Variants in PDE6C observed in about 807,000 individuals in gnomAD.
PDE6C encodes cone cGMP-specific 3',5'-cyclic phosphodiesterase subunit alpha'.
A neutral mutation model predicts 113.1 loss-of-function variants in PDE6C; 75 were observed. The ratio of observed to expected loss-of-function variants is 0.66; its 90% CI spans 0.55 to 0.80. PDE6C has a LOEUF of 0.80. Among genes scored for constraint, PDE6C ranks in the 30% least tolerant of loss-of-function variants. PDE6C has a pLI of 0.00. For synonymous variants in PDE6C, 375 were observed against 363.7 expected, an observed-to-expected ratio of 1.03 and a Z score of -0.35; for missense variants, 912 against 1,038.6, an observed-to-expected ratio of 0.88 and a Z score of 1.67.
chr10:93,650,734 G>A (rs542826589), intron 15 of PDE6C, among the ~76,000 whole-genome samples: 2 of 152,236 alleles, frequency 1.3e-5, no homozygotes, highest in East Asian at 3.9e-4. Context: ...AATAACAAAT[G>A]ACTATGAAAA....
chr10:93,665,627 T>A lies in PDE6C; in HGVS notation c.*209T>A. ...GCAAAATATGACAAAAATAGGTACA[T>A]TTTTGGTGCCAATTTATTTTAAATT... On this transcript the variant is annotated 3_prime_UTR_variant, in exon 22 of 22. Transcript: ENST00000371447. The A allele has an allele frequency of 1.8e-6, 1 of 560,520 alleles. No individual in the cohort carries two copies. Among genetic ancestry groups the A allele is most frequent in the Non-Finnish European group, 3.2e-6 (1 of 315,178 alleles). 34.7% of individuals were successfully genotyped at this position (560,520 alleles called of 1,614,324 possible). A position where few individuals can be genotyped will look rare whatever the true frequency, so the allele number is the denominator to read the frequency against.
intron 8 of PDE6C, among the ~76,000 whole-genome samples, chr10:93,631,613 G>A (rs1471631496): frequency 2.0e-5 from 3 of 152,192 alleles, no homozygotes; most frequent in African/African-American, 7.2e-5. Flanking sequence ...GCTCTTCAAC[G>A]GCATCACCTG....
chr10:93,659,008 T>G lies in PDE6C; in HGVS notation c.2144T>G (p.Met715Arg). The stretch of plus-strand genomic sequence containing the variant: ...GATCCAACCAAGAAAGAGATTATCA[T>G]GTAGGTAGTTGAAATTGTATTTCTC... ...TVDPTKKEII[M>R]AMMMTACDLS... The change falls in exon 17 of 22, where the codon ATG becomes AGG. Residue 715 changes from methionine to arginine, a missense_variant and splice_region_variant. Coordinates refer to ENST00000371447, the MANE Select transcript of PDE6C (RefSeq NM_006204.4). 6.3e-7 allele frequency: 1 copy of G among 1,577,414 alleles called. No individual in the cohort carries two copies. Among genetic ancestry groups the G allele is most frequent in the African/African-American group, 1.3e-5 (1 of 74,254 alleles).
chr10:93,650,372 A>C (rs2058604158), intron 15 of PDE6C, among the ~76,000 whole-genome samples: 1 of 152,036 alleles, frequency 6.6e-6, no homozygotes. Flanking sequence ...TCTGCCTCCC[A>C]AGTAGCTGGG....
intron 14 of PDE6C, among the ~76,000 whole-genome samples, chr10:93,644,944 T>C (rs1096025): frequency 0.21 from 31,591 of 148,322 alleles, 3,559 homozygotes; most frequent in Admixed American, 0.27. Flanking sequence ...TAATGGAATA[T>C]TATTCAGCCA....
In PDE6C at chr10:93,626,714, G is replaced by A. The variant is rs1159316585; in HGVS notation, c.1004+10G>A. 1 of 1,603,548 alleles carries A rather than the reference G, an allele frequency of 6.2e-7. No individual in the cohort carries two copies. The highest frequency in any genetic ancestry group is 8.5e-7 in the Non-Finnish European group (1 of 1,170,398). Reference sequence around the variant, plus strand: ...AGATCAAAGTGATTCCGTGAGTATTGGCAGGAAGTTGCTGCCGCAGTTGCC... The same window carrying A: ...AGATCAAAGTGATTCCGTGAGTATTAGCAGGAAGTTGCTGCCGCAGTTGCC... On this transcript the variant is annotated intron_variant, in intron 6 of 21. Transcript: ENST00000371447.
At chr10:93,655,717 G>A in intron 15 of PDE6C, 43 bp from the exon 16 acceptor site, 1 of 959,350 alleles carries the variant, frequency 1.0e-6, no homozygotes, top group South Asian at 1.3e-5. Flanking sequence ...TTGTTCAGAG[G>A]CAAATTATTG....
Position 93,626,675 on chromosome 10 carries a change from A to G in PDE6C, c.975A>G (p.Leu325=). The G allele has an allele frequency of 1.9e-6, 3 of 1,598,610 alleles. No individual in the cohort carries two copies. Among genetic ancestry groups the G allele is most frequent in the Non-Finnish European group, 2.6e-6 (3 of 1,165,920 alleles). Residue 325 remains leucine (L), a synonymous_variant, in exon 6 of 22, where the codon TTA becomes TTG. Transcript: ENST00000371447. ...VNFYKIIDYI[L]HGKEEIKVIP... ...TTTATAAAATCATTGATTACATTTT[A>G]CATGGAAAAGAAGAGATCAAAGTGA...
chr10:93,635,560 C>G lies in PDE6C; in HGVS notation c.1333C>G (p.Leu445Val). 1 of 1,612,968 alleles carries G rather than the reference C, an allele frequency of 6.2e-7. No homozygotes were observed. Among genetic ancestry groups the G allele is most frequent in the Non-Finnish European group, 8.5e-7 (1 of 1,178,990 alleles). ...TGACACCTACGATAAGATGAATAAG[C>G]TAGAAAACAGAAAGGACATTGCTCA... ...NTDTYDKMNK[L>V]ENRKDIAQEM... is the part of the protein sequence containing the mutation. Residue 445 changes from leucine (L) to valine (V), a missense_variant, in exon 10 of 22, where the codon CTA becomes GTA. Physicochemically the swap from Leu to Val is conservative, Grantham distance 32. Coordinates refer to ENST00000371447, the MANE Select transcript of PDE6C (RefSeq NM_006204.4).
chr10:93,621,427 C>T (rs934031180), intron 3 of PDE6C, among the ~76,000 whole-genome samples: 2 of 152,178 alleles, frequency 1.3e-5, no homozygotes, highest in Admixed American at 6.5e-5. Flanking sequence ...CCTAAGATAC[C>T]TAGGTCTGGC....
In PDE6C at chr10:93,665,384, A is replaced by G. The variant is rs1284459688; in HGVS notation, c.2543A>G (p.Asp848Gly). The G allele has an allele frequency of 6.2e-7, 1 of 1,610,576 alleles. No homozygotes were observed. Among genetic ancestry groups the G allele is most frequent in the African/African-American group, 1.3e-5 (1 of 74,840 alleles). ...EKAAEDSGGG[D>G]DKKSKTCLML Reference sequence around the variant, plus strand: ...GCTGCTGAAGATTCAGGAGGTGGTGATGACAAAAAGTCCAAAACATGTTTA... The same window carrying G: ...GCTGCTGAAGATTCAGGAGGTGGTGGTGACAAAAAGTCCAAAACATGTTTA... Residue 848 changes from aspartate to glycine, a missense_variant, in exon 22 of 22, where the codon GAT becomes GGT. Coordinates refer to ENST00000371447, the MANE Select transcript of PDE6C (RefSeq NM_006204.4).
intron 8 of PDE6C, among the ~76,000 whole-genome samples, chr10:93,629,629 G>A (rs2058490415): frequency 6.6e-6 from 1 of 152,192 alleles, no homozygotes; most frequent in South Asian, 2.1e-4. Context: ...CAGAATGAGG[G>A]TGGGGTGGGA....
At chr10:93,655,177 C>T (rs1000608204) in intron 15 of PDE6C, among the ~76,000 whole-genome samples, 9 of 152,140 alleles carry the variant, frequency 5.9e-5, no homozygotes, top group Admixed American at 5.9e-4. Flanking sequence ...TAGTGAGAAA[C>T]TCTTTGAAGA....
intron 5 of PDE6C, among the ~76,000 whole-genome samples, chr10:93,625,891 G>A (rs145876144): frequency 3.8e-4 from 58 of 152,310 alleles, no homozygotes; most frequent in African/African-American, 1.4e-3. Context: ...TAGACCAGTG[G>A]TTCTCAACTG....
intron 8 of PDE6C, among the ~76,000 whole-genome samples, chr10:93,632,227 T>G (rs769126120): frequency 6.6e-6 from 1 of 152,156 alleles, no homozygotes; most frequent in Non-Finnish European, 1.5e-5. Flanking sequence ...CAGGCTAATT[T>G]CCCCATCTTA....
intron 14 of PDE6C, among the ~76,000 whole-genome samples, chr10:93,645,710 A>C (rs1383264043): frequency 6.6e-6 from 1 of 152,210 alleles, no homozygotes; most frequent in Admixed American, 6.5e-5. Context: ...ATTTAGATAC[A>C]AGGAGCTGAA....
At chr10:93,631,315 T>C (rs7903947) in intron 8 of PDE6C, among the ~76,000 whole-genome samples, 23,563 of 152,144 alleles carry the variant, frequency 0.15, 2,677 homozygotes, top group African/African-American at 0.32. Context: ...TGGCCTGAAA[T>C]CCATGGTCAC....
chr10:93,628,161 C>A (rs1393303683), intron 7 of PDE6C, among the ~76,000 whole-genome samples: 1 of 152,182 alleles, frequency 6.6e-6, no homozygotes, highest in Non-Finnish European at 1.5e-5. Flanking sequence ...TCCCCAGCAC[C>A]CATTCTGGAG....
At chr10:93,631,120 G>A (rs1649235743) in intron 8 of PDE6C, among the ~76,000 whole-genome samples, 1 of 152,248 alleles carries the variant, frequency 6.6e-6, no homozygotes, top group South Asian at 2.1e-4. Context: ...CTGCTCTGAT[G>A]TGCTCTCATG....
Sources: gnomAD v4.1 joint callset for allele counts (sites outside exome capture counted in the v4.1 genomes callset) on GRCh38, gnomAD v4.1.1 for gene constraint, MANE v1.5 for transcripts, NCBI Gene and HGNC (gene_info 2026-07-23, HGNC 2026-07-21) for gene names.